ERC1: variants seen among roughly 807,000 people sequenced by gnomAD.
ERC1 encodes ELKS/RAB6-interacting/CAST family member 1.
ERC1 carries 56 observed loss-of-function variants against 132.0 expected under a neutral mutation model. That is an observed-to-expected ratio of 0.42 (90% CI 0.34 to 0.53). The LOEUF (loss-of-function observed/expected upper bound fraction) is 0.53, where lower values mean the gene tolerates loss of function less well. Among genes scored for constraint, ERC1 ranks in the 20% least tolerant of loss-of-function variants. The probability of loss-of-function intolerance (pLI) is 0.03; values close to 1 mark genes in which losing one functional copy is unlikely to be tolerated. For missense variants in ERC1, 1,202 were observed against 1,349.9 expected (o/e 0.89, Z 1.72); for synonymous variants, 478 against 476.1 (o/e 1.00, Z -0.05).
chr12:1,309,149 G>A (rs2081101524), intron 15 of ERC1, among the ~76,000 whole-genome samples: 1 of 152,204 alleles, frequency 6.6e-6, no homozygotes. Context: ...CCTAGTTTAT[G>A]ATATTTTGTT....
At chr12:1,486,431 A>ATTTTATTTTC (rs2094217049) in intron 18 of ERC1, among the ~76,000 whole-genome samples, 1 of 148,884 alleles carries the variant, frequency 6.7e-6, no homozygotes, top group African/African-American at 2.5e-5. Flanking sequence ...ATTTTATTTT[A>ATTTTATTTTC]TTTTATTTTT....
chr12:1,372,570 T>C (rs1276873100), intron 16 of ERC1, among the ~76,000 whole-genome samples: 1 of 152,236 alleles, frequency 6.6e-6, no homozygotes, highest in Non-Finnish European at 1.5e-5. Flanking sequence ...AATGGTAACT[T>C]TTATGTTAGA....
chr12:1,191,851 GAAAA>G (rs748858506), intron 12 of ERC1, among the ~76,000 whole-genome samples: 1 of 137,134 alleles, frequency 7.3e-6, no homozygotes, highest in African/African-American at 2.7e-5. Flanking sequence ...TTGGCTACTG[GAAAA>G]AAAAAAAAAA....
chr12:1,046,256 CT>C (rs1971065597), intron 2 of ERC1, among the ~76,000 whole-genome samples: 1 of 152,106 alleles, frequency 6.6e-6, no homozygotes, highest in African/African-American at 2.4e-5. Flanking sequence ...CAGATTTTAA[CT>C]TTGTAGTGAC....
intron 12 of ERC1, among the ~76,000 whole-genome samples, chr12:1,231,779 GC>G (rs1465342777): frequency 7.3e-5 from 11 of 151,496 alleles, no homozygotes; most frequent in African/African-American, 2.7e-4. Context: ...TCGCTCTGTT[GC>G]CCAGGCAGGA....
intron 13 of ERC1, among the ~76,000 whole-genome samples, chr12:1,246,124 G>T (rs1312954572): frequency 2.0e-5 from 3 of 151,898 alleles, no homozygotes; most frequent in Non-Finnish European, 4.4e-5. Flanking sequence ...CAGATCTTTT[G>T]ACCCAGCTAT....
rs950203521 is a variant in ERC1, at chr12:1,493,170, G to A, written c.*2940G>A. The A allele has an allele frequency of 9.8e-6, 2 of 204,742 alleles. No individual in the cohort carries two copies. Among genetic ancestry groups the A allele is most frequent in the African/African-American group, 2.3e-5 (1 of 43,682 alleles). 12.7% of individuals were successfully genotyped at this position (204,742 alleles called of 1,614,324 possible). The stretch of plus-strand genomic sequence containing the variant: ...CCGGTACTCATTGAATCATTGATGA[G>A]GTATCTCAATTGAGATTTGCAAGGA... On this transcript the variant is annotated 3_prime_UTR_variant, in exon 19 of 19. Transcript: ENST00000360905.
intron 3 of ERC1, among the ~76,000 whole-genome samples, chr12:1,098,912 C>T (rs1944359539): frequency 6.6e-6 from 1 of 152,112 alleles, no homozygotes; most frequent in African/African-American, 2.4e-5. Context: ...AAGGAAGAAC[C>T]TGTGAAGGAA....
chr12:1,335,439 G>A lies in ERC1; in HGVS notation c.2781-36394G>A, dbSNP rs557720968. Among the ~76,000 whole-genome samples, 10 of 152,306 alleles carry A rather than the reference G, an allele frequency of 6.6e-5. No individual in the cohort carries two copies. In the South Asian group the frequency reaches 1.0e-3, roughly 16 times the overall value. The stretch of plus-strand genomic sequence containing the variant: ...GTTTATTGAGAGTTTTTAACATGAA[G>A]CAATGTTGAATTTTATCGAAAGCCC... On this transcript the variant is annotated intron_variant, in intron 15 of 18. Transcript: ENST00000360905.
In ERC1 at chr12:1,136,784, A is replaced by C. The variant is rs112193377; in HGVS notation, c.1570-4836A>C. Among the ~76,000 whole-genome samples, 516 of 152,282 alleles carry C rather than the reference A, an allele frequency of 3.4e-3. 5 individuals are homozygous for C. Among genetic ancestry groups the C allele is most frequent in the African/African-American group, 9.2e-3 (382 of 41,552 alleles). ...ATGCTGTTTCATGTTTCTAGATTTT[A>C]AAGTATTCTATTTCCTCTTCCTAGA... On this transcript the variant is annotated intron_variant, in intron 7 of 18. Coordinates refer to ENST00000360905, the MANE Select transcript of ERC1 (RefSeq NM_178040.4).
intron 13 of ERC1, among the ~76,000 whole-genome samples, chr12:1,251,974 T>C (rs953259034): frequency 5.3e-5 from 8 of 151,996 alleles, no homozygotes; most frequent in Non-Finnish European, 1.2e-4. Context: ...AATGAGATTC[T>C]TTTTTTTCTT....
intron 1 of ERC1, among the ~76,000 whole-genome samples, chr12:995,686 A>AT (rs1167690065): frequency 6.6e-6 from 1 of 152,170 alleles, no homozygotes; most frequent in Non-Finnish European, 1.5e-5. Flanking sequence ...TAGGGGACTG[A>AT]TTCATTCACT....
chr12:1,490,848 G>A lies in ERC1; in HGVS notation c.*618G>A, dbSNP rs749323199. The A allele has an allele frequency of 7.7e-5, 18 of 232,946 alleles. No homozygotes were observed. The highest frequency in any genetic ancestry group is 1.1e-4 in the Admixed American group (2 of 17,794). The allele number at this position is 232,946 out of a possible 1,614,324, so 14.4% of individuals were successfully genotyped here. On this transcript the variant is annotated 3_prime_UTR_variant, in exon 19 of 19. Coordinates refer to ENST00000360905, the MANE Select transcript of ERC1 (RefSeq NM_178040.4). ...GCCTCACGATGGCTTGGGAGCACTC[G>A]TTCTCCCAAGGTCTGAGTCTTCATC...
intron 4 of ERC1, 80 bp from the exon 5 acceptor site, chr12:1,110,112 A>G: frequency 1.7e-6 from 2 of 1,194,332 alleles, no homozygotes; most frequent in South Asian, 3.3e-5. Flanking sequence ...TATTAAATGT[A>G]ACTTCTTTAA....
chr12:1,239,422 TACA>T (rs750143023), intron 13 of ERC1, among the ~76,000 whole-genome samples: 3 of 152,146 alleles, frequency 2.0e-5, no homozygotes, highest in Non-Finnish European at 4.4e-5. Flanking sequence ...CGTTGTCATT[TACA>T]ACAACATAAT....
chr12:1,026,654 TATAAAC>T (rs1966943596), intron 1 of ERC1, among the ~76,000 whole-genome samples: 1 of 152,236 alleles, frequency 6.6e-6, no homozygotes, highest in Non-Finnish European at 1.5e-5. Flanking sequence ...GTGGGATACA[TATAAAC>T]AGTAAGTAAG....
chr12:1,356,219 TG>T (rs1167551777), intron 15 of ERC1, among the ~76,000 whole-genome samples: 12 of 114,756 alleles, frequency 1.0e-4, no homozygotes, highest in African/African-American at 4.1e-4. Context: ...AAAAAGTGTG[TG>T]TGTGTGTGTG....
At chr12:1,376,932 C>G (rs557347354) in intron 16 of ERC1, among the ~76,000 whole-genome samples, 1 of 152,286 alleles carries the variant, frequency 6.6e-6, no homozygotes, top group South Asian at 2.1e-4. Context: ...CGGTCTTTCT[C>G]CCGTCATCCC....
At chr12:1,184,262 G>A (rs1365840013) in intron 11 of ERC1, among the ~76,000 whole-genome samples, 2 of 151,652 alleles carry the variant, frequency 1.3e-5, no homozygotes, top group African/African-American at 2.4e-5. Flanking sequence ...TCTCATTTTG[G>A]AGAATGTTAA....
Sources: allele counts gnomAD v4.1 joint callset (sites outside exome capture counted in the v4.1 genomes callset), GRCh38; gene constraint gnomAD v4.1.1; transcripts MANE v1.5; gene names NCBI Gene and HGNC (gene_info 2026-07-23, HGNC 2026-07-21).